The following LINGO2 variants were observed in gnomAD, a reference collection of about 807,000 sequenced individuals.
The protein encoded by LINGO2 is leucine-rich repeat and immunoglobulin-like domain-containing nogo receptor-interacting protein 2.
A neutral mutation model predicts 30.6 loss-of-function variants in LINGO2; 14 were observed. The observed-to-expected ratio is 0.46, with a 90% CI of 0.30 to 0.72. The LOEUF is 0.72. Ranked by LOEUF, LINGO2 falls within the 30% of genes least tolerant of loss-of-function variation. LINGO2 has a pLI of 0.07. For missense variants in LINGO2, 729 were observed against 751.7 expected (o/e 0.97, Z 0.35); for synonymous variants, 317 against 288.5 (o/e 1.10, Z -1.00).
intron 5 of LINGO2, among the ~76,000 whole-genome samples, chr9:27,969,730 C>G (rs1055635098): frequency 6.6e-6 from 1 of 151,942 alleles, no homozygotes; most frequent in African/African-American, 2.4e-5. Flanking sequence ...ACAAACACAA[C>G]CAAAAAAACC....
At chr9:29,174,923 A>T in the LINGO2 span, among the ~76,000 whole-genome samples, 2 of 152,178 alleles carry the variant, frequency 1.3e-5, no homozygotes, top group Non-Finnish European at 2.9e-5. Context: ...CCAGGGTTTG[A>T]ATCTTAGTTG....
chr9:28,236,145 G>A (rs940758004), intron 4 of LINGO2, among the ~76,000 whole-genome samples: 1 of 152,252 alleles, frequency 6.6e-6, no homozygotes, highest in Admixed American at 6.5e-5. Context: ...TGACGTTTCA[G>A]TGGAAACCTT....
At chr9:28,052,499 C>A (rs1824723139) in intron 4 of LINGO2, among the ~76,000 whole-genome samples, 1 of 152,006 alleles carries the variant, frequency 6.6e-6, no homozygotes, top group Non-Finnish European at 1.5e-5. Context: ...CAGAGGTATA[C>A]CAGGCCATTT....
At chr9:28,555,032 C>T (rs1339652754) in intron 1 of LINGO2, among the ~76,000 whole-genome samples, 1 of 138,896 alleles carries the variant, frequency 7.2e-6, no homozygotes, top group Admixed American at 7.1e-5. Flanking sequence ...TAAATGCCCA[C>T]AAGAGAAAGC....
chr9:29,150,325 G>T, the LINGO2 span, among the ~76,000 whole-genome samples: 1 of 152,168 alleles, frequency 6.6e-6, no homozygotes, highest in African/African-American at 2.4e-5. Flanking sequence ...ACTCAGATGA[G>T]AAAGAATCAG....
the LINGO2 span, among the ~76,000 whole-genome samples, chr9:29,160,492 C>A: frequency 2.7e-4 from 41 of 152,126 alleles, no homozygotes; most frequent in African/African-American, 9.4e-4. Flanking sequence ...AATAAGTGAC[C>A]ATTAAATATT....
chr9:28,617,358 C>G (rs997387571), intron 1 of LINGO2, among the ~76,000 whole-genome samples: 1 of 151,258 alleles, frequency 6.6e-6, no homozygotes, highest in South Asian at 2.1e-4. Flanking sequence ...TGCAGTGGCG[C>G]GATCTCGGAT....
At chr9:28,532,033 TC>T (rs1411692081) in intron 1 of LINGO2, among the ~76,000 whole-genome samples, 3 of 152,162 alleles carry the variant, frequency 2.0e-5, no homozygotes, top group Non-Finnish European at 2.9e-5. Context: ...CCGGTAACGT[TC>T]CATTAGGAGT....
chr9:29,127,139 G>C, the LINGO2 span, among the ~76,000 whole-genome samples: 1 of 152,078 alleles, frequency 6.6e-6, no homozygotes, highest in South Asian at 2.1e-4. Flanking sequence ...GAAACCTCTA[G>C]AGAGTATTTA....
chr9:28,075,535 T>A (rs953932520), intron 4 of LINGO2, among the ~76,000 whole-genome samples: 1 of 152,010 alleles, frequency 6.6e-6, no homozygotes, highest in African/African-American at 2.4e-5. Flanking sequence ...TATGTATGCA[T>A]GTTCTCGTTT....
At chr9:28,284,849 C>T (rs764373761) in intron 4 of LINGO2, among the ~76,000 whole-genome samples, 5 of 152,076 alleles carry the variant, frequency 3.3e-5, no homozygotes, top group Non-Finnish European at 7.4e-5. Context: ...ATGCTGTTTA[C>T]CTCAAGGCAC....
At chr9:28,962,057 A>C in the LINGO2 span, among the ~76,000 whole-genome samples, 67 of 152,316 alleles carry the variant, frequency 4.4e-4, no homozygotes, top group African/African-American at 9.9e-4. Context: ...AACAAACAAA[A>C]AAACAGGTCA....
At chr9:28,361,716 T>G (rs1333487008) in intron 3 of LINGO2, among the ~76,000 whole-genome samples, 1 of 152,194 alleles carries the variant, frequency 6.6e-6, no homozygotes, top group Admixed American at 6.5e-5. Context: ...GAAACCTAGA[T>G]GTTCATTTAA....
intron 3 of LINGO2, among the ~76,000 whole-genome samples, chr9:28,357,324 C>A (rs1013884581): frequency 1.2e-4 from 18 of 145,936 alleles, no homozygotes; most frequent in Admixed American, 1.2e-3. Context: ...AGCCCACCCC[C>A]CCCAAAAAAG....
chr9:28,442,870 A>G lies in LINGO2; in HGVS notation c.-279+33070T>C, dbSNP rs115630340. On this transcript the variant is annotated intron_variant, in intron 2 of 5. Coordinates refer to ENST00000379992, the Ensembl canonical transcript of LINGO2. ...AAGGCACATGAAGCTTTTGGTAGTAAATTTGCTTCAGTGATAGAGGATCAA... is the reference window on the plus strand; with the variant it reads ...AAGGCACATGAAGCTTTTGGTAGTAGATTTGCTTCAGTGATAGAGGATCAA... 9.5e-3 allele frequency among the ~76,000 whole-genome samples: 1,440 copies of G among 152,234 alleles called. 23 individuals carry two copies. Among genetic ancestry groups the G allele is most frequent in the African/African-American group, 0.033 (1,357 of 41,540 alleles).
At chr9:28,844,749 G>A in the LINGO2 span, among the ~76,000 whole-genome samples, 8 of 151,690 alleles carry the variant, frequency 5.3e-5, no homozygotes, top group Non-Finnish European at 7.4e-5. Context: ...TAGACTATTG[G>A]TATTATTGAT....
chr9:28,974,880 T>C, the LINGO2 span, among the ~76,000 whole-genome samples: 3 of 152,008 alleles, frequency 2.0e-5, no homozygotes, highest in Non-Finnish European at 2.9e-5. Context: ...GTCATGAAGA[T>C]AGTGAATAAC....
the LINGO2 span, among the ~76,000 whole-genome samples, chr9:28,833,076 C>T: frequency 1.3e-5 from 2 of 151,978 alleles, no homozygotes; most frequent in African/African-American, 4.8e-5. Flanking sequence ...ATATTTATAA[C>T]TAAAGTTTTG....
intron 1 of LINGO2, among the ~76,000 whole-genome samples, chr9:28,612,521 T>G (rs1382124957): frequency 6.6e-6 from 1 of 152,178 alleles, no homozygotes; most frequent in Non-Finnish European, 1.5e-5. Context: ...AGTCAAAGGT[T>G]ATCATTTCAG....
Sources: allele counts gnomAD v4.1 joint callset (sites outside exome capture counted in the v4.1 genomes callset), GRCh38; gene constraint gnomAD v4.1.1; transcripts MANE v1.5; gene names NCBI Gene and HGNC (gene_info 2026-07-23, HGNC 2026-07-21).